The following ASTN2 variants were observed in gnomAD, a reference collection of about 807,000 sequenced individuals.
ASTN2 encodes the protein astrotactin 2.
In ASTN2, 54 loss-of-function variants were observed where a neutral mutation model predicts 139.8. The ratio of observed to expected loss-of-function variants is 0.39; its 90% CI spans 0.31 to 0.48. The LOEUF is 0.48. Among genes scored for constraint, ASTN2 ranks in the 20% least tolerant of loss-of-function variants. ASTN2 has a pLI of 0.95. For missense variants in ASTN2, 1,565 were observed against 1,725.1 expected (o/e 0.91, Z 1.64); for synonymous variants, 756 against 719.5 (o/e 1.05, Z -0.81).
At chr9:116,475,147 G>A (rs771791052) in intron 20 of ASTN2, among the ~76,000 whole-genome samples, 14 of 152,286 alleles carry the variant, frequency 9.2e-5, no homozygotes, top group African/African-American at 3.1e-4. Flanking sequence ...TAAATTGGTT[G>A]CCAGCATGTA....
intron 7 of ASTN2, among the ~76,000 whole-genome samples, chr9:116,978,522 C>CACACACACACACAG (rs138804229): frequency 6.7e-6 from 1 of 150,280 alleles, no homozygotes; most frequent in Non-Finnish European, 1.5e-5. Flanking sequence ...CACACACACA[C>CACACACACACACAG]AGAGAGATAA....
chr9:117,004,296 T>A (rs374181909), intron 7 of ASTN2, among the ~76,000 whole-genome samples: 4 of 152,058 alleles, frequency 2.6e-5, no homozygotes, highest in African/African-American at 9.7e-5. Context: ...ATTTTCGTAT[T>A]TTTTTGTAGA....
chr9:116,558,625 A>G (rs905173379), intron 19 of ASTN2, among the ~76,000 whole-genome samples: 2 of 152,160 alleles, frequency 1.3e-5, no homozygotes, highest in African/African-American at 4.8e-5. Flanking sequence ...TAGGTCCGGA[A>G]AAGTCATGTT....
chr9:116,510,051 T>C (rs1483156284), intron 19 of ASTN2, among the ~76,000 whole-genome samples: 10 of 152,256 alleles, frequency 6.6e-5, no homozygotes, highest in Admixed American at 6.5e-4. Flanking sequence ...TTGCCATTGC[T>C]TTTGGTGTTT....
At chr9:116,454,087 C>T (rs1212243637) in intron 20 of ASTN2, among the ~76,000 whole-genome samples, 1 of 152,106 alleles carries the variant, frequency 6.6e-6, no homozygotes, top group Non-Finnish European at 1.5e-5. Flanking sequence ...CCAGCTAGCG[C>T]CAATCTTCTG....
chr9:117,246,971 A>G (rs1264367975), intron 2 of ASTN2, among the ~76,000 whole-genome samples: 1 of 152,184 alleles, frequency 6.6e-6, no homozygotes, highest in Non-Finnish European at 1.5e-5. Flanking sequence ...TTGAAGGTCC[A>G]TGGATTCTAT....
At chr9:117,009,867 G>C (rs1178748816) in intron 6 of ASTN2, among the ~76,000 whole-genome samples, 3 of 152,158 alleles carry the variant, frequency 2.0e-5, no homozygotes, top group African/African-American at 7.2e-5. Flanking sequence ...ATGAGCAATG[G>C]CCAGGGAGGT....
At chr9:116,832,948 A>G (rs1042370962) in intron 11 of ASTN2, among the ~76,000 whole-genome samples, 193 of 151,366 alleles carry the variant, frequency 1.3e-3, no homozygotes, top group African/African-American at 4.5e-3. Flanking sequence ...TGTTTTATTT[A>G]TTTATTTATT....
At chr9:116,852,205 T>C (rs12346100) in intron 11 of ASTN2, among the ~76,000 whole-genome samples, 2,904 of 152,258 alleles carry the variant, frequency 0.019, 39 homozygotes, top group Non-Finnish European at 0.029. Flanking sequence ...GACCTGATCT[T>C]AGGAAGGGAG....
chr9:116,558,652 C>T (rs1263429637), intron 19 of ASTN2, among the ~76,000 whole-genome samples: 1 of 152,132 alleles, frequency 6.6e-6, no homozygotes, highest in African/African-American at 2.4e-5. Flanking sequence ...GAGATGCTTG[C>T]TTTTGTCAAG....
intron 10 of ASTN2, among the ~76,000 whole-genome samples, chr9:116,972,191 T>C (rs1336174671): frequency 8.1e-6 from 1 of 123,982 alleles, no homozygotes. Context: ...TAAATTAGTT[T>C]ACTCATTAAT....
intron 11 of ASTN2, among the ~76,000 whole-genome samples, chr9:116,844,969 G>A (rs887754610): frequency 6.6e-6 from 1 of 150,390 alleles, no homozygotes; most frequent in Non-Finnish European, 1.5e-5. Context: ...TGAGATTGCT[G>A]TTATTGCTGT....
At chr9:116,839,290 G>A (rs1397849207) in intron 11 of ASTN2, among the ~76,000 whole-genome samples, 1 of 151,970 alleles carries the variant, frequency 6.6e-6, no homozygotes, top group Non-Finnish European at 1.5e-5. Context: ...TGGGACTACA[G>A]GCATGTGCCA....
At chr9:117,151,561 G>A (rs1830327342) in intron 3 of ASTN2, among the ~76,000 whole-genome samples, 2 of 152,124 alleles carry the variant, frequency 1.3e-5, no homozygotes, top group Admixed American at 6.6e-5. Context: ...AGAGAGCAAA[G>A]CATCATAATA....
At chr9:117,080,418 G>T (rs573550857) in intron 5 of ASTN2, among the ~76,000 whole-genome samples, 9 of 152,164 alleles carry the variant, frequency 5.9e-5, no homozygotes, top group African/African-American at 1.9e-4. Context: ...ATGCTACAAT[G>T]ACTATGTTTA....
chr9:117,296,822 T>C lies in ASTN2; in HGVS notation c.443-5309A>G, dbSNP rs575677025. Among the ~76,000 whole-genome samples, 10 of 152,282 alleles carry C rather than the reference T, an allele frequency of 6.6e-5. 1 individual carries two copies. The South Asian group carries it at 2.1e-3, about 32-fold the overall frequency. On this transcript the variant is annotated intron_variant, in intron 1 of 22. Transcript: ENST00000313400. ...CACAGGGATTGCCTTTTCACCTTTT[T>C]CTGCTCTCCCCCATGGGCTGCAACT...
chr9:117,180,352 C>T (rs1831027312), intron 3 of ASTN2, among the ~76,000 whole-genome samples: 1 of 152,170 alleles, frequency 6.6e-6, no homozygotes, highest in African/African-American at 2.4e-5. Flanking sequence ...TGAAACTTCT[C>T]ACAGTTCCTA....
At chr9:116,825,643 C>A (rs986834807) in intron 11 of ASTN2, among the ~76,000 whole-genome samples, 3 of 152,126 alleles carry the variant, frequency 2.0e-5, no homozygotes, top group Non-Finnish European at 4.4e-5. Flanking sequence ...AGTCAGAAAC[C>A]AACTGAGAGC....
chr9:116,700,516 CTCA>C (rs1861118239), intron 16 of ASTN2: 2 of 167,092 alleles, frequency 1.2e-5, no homozygotes, highest in Non-Finnish European at 2.9e-5. Context: ...GTCTCTAGGG[CTCA>C]TCATTTTTCA....
Sources: allele counts gnomAD v4.1 joint callset (sites outside exome capture counted in the v4.1 genomes callset), GRCh38; gene constraint gnomAD v4.1.1; transcripts MANE v1.5; gene names NCBI Gene and HGNC (gene_info 2026-07-23, HGNC 2026-07-21).